The following MAGI2 variants were observed in gnomAD, a reference collection of about 807,000 sequenced individuals.
MAGI2 encodes membrane-associated guanylate kinase, WW and PDZ domain-containing protein 2.
Under a neutral mutation model 133.3 loss-of-function variants are expected in MAGI2, and 35 were observed. That is an observed-to-expected ratio of 0.26 (90% CI 0.20 to 0.35). The LOEUF (loss-of-function observed/expected upper bound fraction) is 0.35, where lower values mean the gene tolerates loss of function less well. Ranked by LOEUF, MAGI2 falls within the 10% of genes least tolerant of loss-of-function variation. The pLI is 1.00. For synonymous variants in MAGI2, 729 were observed against 710.6 expected (o/e 1.03, Z -0.41); for missense variants, 1,636 against 1,863.4 (o/e 0.88, Z 2.25).
chr7:78,461,884 C>T (rs1463203119), intron 6 of MAGI2, among the ~76,000 whole-genome samples: 8 of 115,636 alleles, frequency 6.9e-5, no homozygotes, highest in East Asian at 5.2e-4. Flanking sequence ...GCACTCTAGC[C>T]GGGGCAACAA....
intron 1 of MAGI2, among the ~76,000 whole-genome samples, chr7:79,076,512 T>G (rs1043309901): frequency 3.6e-4 from 55 of 152,296 alleles, no homozygotes; most frequent in Admixed American, 8.5e-4. Context: ...TTATCAACAA[T>G]GACACACAGA....
At chr7:78,513,088 A>G (rs1795741966) in intron 4 of MAGI2, among the ~76,000 whole-genome samples, 1 of 152,166 alleles carries the variant, frequency 6.6e-6, no homozygotes, top group Admixed American at 6.5e-5. Flanking sequence ...GAAATAAAGA[A>G]CATGCACATA....
intron 2 of MAGI2, among the ~76,000 whole-genome samples, chr7:78,749,275 GA>G (rs1823225340): frequency 6.6e-6 from 1 of 152,088 alleles, no homozygotes; most frequent in African/African-American, 2.4e-5. Flanking sequence ...TAAGTAGAGG[GA>G]AAAGGTGTCC....
intron 1 of MAGI2, among the ~76,000 whole-genome samples, chr7:79,173,346 G>T (rs1414249889): frequency 2.6e-5 from 4 of 151,272 alleles, no homozygotes; most frequent in African/African-American, 9.7e-5. Flanking sequence ...TACTTCTGAT[G>T]ATAAGGTCTT....
chr7:78,975,855 A>G (rs951692375), intron 2 of MAGI2, among the ~76,000 whole-genome samples: 1 of 151,684 alleles, frequency 6.6e-6, no homozygotes, highest in Non-Finnish European at 1.5e-5. Flanking sequence ...GATTGCATGA[A>G]GATTGAAAAG....
At chr7:78,385,059 T>C (rs1385404896) in intron 6 of MAGI2, among the ~76,000 whole-genome samples, 1 of 152,198 alleles carries the variant, frequency 6.6e-6, no homozygotes, top group African/African-American at 2.4e-5. Context: ...GAATGCTTTA[T>C]AGATAAGCAA....
rs545319120 is a variant in MAGI2 at position 78,321,733 on chromosome 7, C to T, written c.1408+22045G>A. Among the ~76,000 whole-genome samples the T allele has an allele frequency of 3.9e-5, 6 of 152,218 alleles. No individual in the cohort carries two copies. The East Asian group carries it at 1.2e-3, about 29-fold the overall frequency. ...GGGCAAGGACTTCATGACTAAAACACCAAAAGCAATGGCAACAAAAGCCCA... is the reference window on the plus strand; with the variant it reads ...GGGCAAGGACTTCATGACTAAAACATCAAAAGCAATGGCAACAAAAGCCCA... On this transcript the variant is annotated intron_variant, in intron 9 of 21. Transcript: ENST00000354212.
chr7:78,695,619 G>A (rs1585113402), intron 2 of MAGI2, among the ~76,000 whole-genome samples: 2 of 152,182 alleles, frequency 1.3e-5, no homozygotes, highest in Non-Finnish European at 2.9e-5. Flanking sequence ...TCTCAGCAGA[G>A]TTTAATGTCT....
intron 1 of MAGI2, among the ~76,000 whole-genome samples, chr7:79,193,467 T>C (rs1209003214): frequency 6.6e-6 from 1 of 151,952 alleles, no homozygotes; most frequent in Non-Finnish European, 1.5e-5. Context: ...GAAATACATA[T>C]GCAGGTACAA....
At chr7:78,826,500 G>A (rs1290544020) in intron 2 of MAGI2, among the ~76,000 whole-genome samples, 1 of 152,086 alleles carries the variant, frequency 6.6e-6, no homozygotes, top group Non-Finnish European at 1.5e-5. Flanking sequence ...AGAGTTTGGT[G>A]GTAGTGGGGG....
intron 6 of MAGI2, among the ~76,000 whole-genome samples, chr7:78,447,883 A>C (rs1360298223): frequency 6.6e-6 from 1 of 152,074 alleles, no homozygotes; most frequent in Non-Finnish European, 1.5e-5. Context: ...TCCGAACTGC[A>C]ACTTTGTACT....
intron 9 of MAGI2, among the ~76,000 whole-genome samples, chr7:78,343,271 A>G (rs1790577083): frequency 6.6e-6 from 1 of 152,230 alleles, no homozygotes. Context: ...TATGAAAAAT[A>G]ATTTTTAAGG....
chr7:78,928,530 G>A (rs1563674684), intron 2 of MAGI2, among the ~76,000 whole-genome samples: 1 of 151,858 alleles, frequency 6.6e-6, no homozygotes, highest in Non-Finnish European at 1.5e-5. Context: ...AAGTCACCAG[G>A]GACTGCTGTC....
intron 1 of MAGI2, among the ~76,000 whole-genome samples, chr7:79,102,785 T>A (rs1584934240): frequency 6.6e-6 from 1 of 152,216 alleles, no homozygotes; most frequent in East Asian, 1.9e-4. Flanking sequence ...GATCTTTTGA[T>A]GTGTCGGCTT....
chr7:78,509,673 A>G (rs1795403161), intron 4 of MAGI2, among the ~76,000 whole-genome samples: 2 of 152,208 alleles, frequency 1.3e-5, no homozygotes, highest in Admixed American at 1.3e-4. Flanking sequence ...CTTCTCAGGT[A>G]CAAGACCAAT....
At chr7:78,671,088 G>C (rs1005972157) in intron 2 of MAGI2, among the ~76,000 whole-genome samples, 1 of 152,078 alleles carries the variant, frequency 6.6e-6, no homozygotes, top group African/African-American at 2.4e-5. Flanking sequence ...CATTTGTAGA[G>C]TAAGATTATC....
At chr7:79,339,406 A>G (rs773222817) in intron 1 of MAGI2, among the ~76,000 whole-genome samples, 5 of 151,404 alleles carry the variant, frequency 3.3e-5, no homozygotes, top group Non-Finnish European at 7.4e-5. Flanking sequence ...CAATCAGTCA[A>G]TATTGTACCT....
chr7:78,723,649 G>A lies in MAGI2; in HGVS notation c.419-96410C>T, dbSNP rs554117248. Among the ~76,000 whole-genome samples, 11 of 151,386 alleles carry A rather than the reference G, an allele frequency of 7.3e-5. 1 individual carries two copies. In the South Asian group the frequency reaches 2.3e-3, roughly 32 times the overall value. On this transcript the variant is annotated intron_variant, in intron 2 of 21. Coordinates refer to ENST00000354212, the MANE Select transcript of MAGI2 (RefSeq NM_012301.4). Reference sequence around the variant, plus strand: ...GGTGTAGAGTGAGGAAATAACCAGTGGCCTAGATTGGCTAACAATAAGAAA... The same window carrying A: ...GGTGTAGAGTGAGGAAATAACCAGTAGCCTAGATTGGCTAACAATAAGAAA...
intron 21 of MAGI2, among the ~76,000 whole-genome samples, chr7:78,051,092 C>G (rs1811959656): frequency 6.6e-6 from 1 of 152,228 alleles, no homozygotes; most frequent in Non-Finnish European, 1.5e-5. Context: ...AGTTCTGTCA[C>G]TAGCAAATGA....
Sources: gnomAD v4.1 joint callset for allele counts (sites outside exome capture counted in the v4.1 genomes callset) on GRCh38, gnomAD v4.1.1 for gene constraint, MANE v1.5 for transcripts, NCBI Gene and HGNC (gene_info 2026-07-23, HGNC 2026-07-21) for gene names.